PARVA: variants seen among roughly 807,000 people sequenced by gnomAD.
PARVA encodes parvin alpha.
In PARVA, 25 loss-of-function variants were observed where a neutral mutation model predicts 52.6. The ratio of observed to expected loss-of-function variants is 0.48; its 90% CI spans 0.35 to 0.66. The LOEUF is 0.66. Among genes scored for constraint, PARVA ranks in the 30% least tolerant of loss-of-function variants. The pLI is 0.01. For synonymous variants in PARVA, 185 were observed against 179.1 expected (o/e 1.03, Z -0.26); for missense variants, 373 against 450.9 (o/e 0.83, Z 1.56).
intron 1 of PARVA, among the ~76,000 whole-genome samples, chr11:12,413,839 A>T (rs928951156): frequency 3.5e-4 from 53 of 152,324 alleles, no homozygotes; most frequent in African/African-American, 1.2e-3. Context: ...GACATTAATC[A>T]CCCATGGACA....
chr11:12,458,257 C>T (rs1297885033), intron 1 of PARVA, among the ~76,000 whole-genome samples: 1 of 152,210 alleles, frequency 6.6e-6, no homozygotes, highest in African/African-American at 2.4e-5. Flanking sequence ...AATGAATGGA[C>T]AGTCCTCGGC....
intron 1 of PARVA, among the ~76,000 whole-genome samples, chr11:12,469,824 G>A (rs1166640579): frequency 6.6e-6 from 1 of 152,144 alleles, no homozygotes. Flanking sequence ...AGGGCAGAGG[G>A]GAATGTTTCT....
At chr11:12,409,012 G>C (rs1939954220) in intron 1 of PARVA, among the ~76,000 whole-genome samples, 1 of 152,334 alleles carries the variant, frequency 6.6e-6, no homozygotes. Flanking sequence ...CGGAGGACCT[G>C]GGAGAGGCCG....
At chr11:12,435,065 G>A (rs1193575546) in intron 1 of PARVA, among the ~76,000 whole-genome samples, 1 of 152,158 alleles carries the variant, frequency 6.6e-6, no homozygotes, top group Non-Finnish European at 1.5e-5. Flanking sequence ...ACACCAAACT[G>A]CCGTCTGACT....
chr11:12,437,115 T>A (rs1940397003), intron 1 of PARVA, among the ~76,000 whole-genome samples: 1 of 152,212 alleles, frequency 6.6e-6, no homozygotes. Flanking sequence ...TCCAATATTT[T>A]ATAGTAGTTT....
At position 12,477,880 on chromosome 11, in the gene PARVA, G is replaced by A; in HGVS notation, c.331G>A (p.Gly111Arg). The change falls in exon 4 of 13, where the codon GGA (glycine) becomes AGA (arginine). Residue 111 changes from glycine (G) to arginine (R), a missense_variant. Coordinates refer to ENST00000334956, the MANE Select transcript of PARVA (RefSeq NM_018222.5). Reference sequence around the variant, plus strand: ...TGACTGGATTAATGATGTGTTGGTTGGAGAAAGAATCATTGTGAAAGACCT... The same window carrying A: ...TGACTGGATTAATGATGTGTTGGTTAGAGAAAGAATCATTGTGAAAGACCT... ...LIDWINDVLV[G>R]ERIIVKDLAE... 6.2e-7 allele frequency: 1 copy of A among 1,607,056 alleles called. No individual in the cohort carries two copies. The highest frequency in any genetic ancestry group is 8.5e-7 in the Non-Finnish European group (1 of 1,173,632).
At chr11:12,438,128 C>T (rs889814906) in intron 1 of PARVA, among the ~76,000 whole-genome samples, 10 of 151,900 alleles carry the variant, frequency 6.6e-5, no homozygotes, top group African/African-American at 9.7e-5. Context: ...GGCATGGTGG[C>T]GGGCGCCTGT....
Position 12,508,600 on chromosome 11 carries a change from T to A in PARVA, c.674T>A (p.Leu225His). The A allele has an allele frequency of 6.2e-7, 1 of 1,608,428 alleles. No individual in the cohort carries two copies. The highest frequency in any genetic ancestry group is 8.5e-7 in the Non-Finnish European group (1 of 1,176,638). Residue 225 changes from leucine (L) to histidine (H), a missense_variant, in exon 7 of 13, where the codon CTC becomes CAC. Coordinates refer to ENST00000334956, the MANE Select transcript of PARVA (RefSeq NM_018222.5). ...CCATTTCAGAAACGAGAAGGAATCC[T>A]CCAGTCTCGGCAAATCCAAGAGGAA... ...VVVVQKREGI[L>H]QSRQIQEEIT... is the part of the protein sequence containing the mutation.
intron 9 of PARVA, 77 bp from the exon 10 acceptor site, chr11:12,513,920 C>A: frequency 3.0e-6 from 4 of 1,341,080 alleles, no homozygotes; most frequent in Admixed American, 1.7e-5. Context: ...CTTGCCCTCA[C>A]GGGAGTCACG....
intron 1 of PARVA, among the ~76,000 whole-genome samples, chr11:12,410,578 G>A (rs899292618): frequency 6.6e-5 from 10 of 152,180 alleles, no homozygotes; most frequent in African/African-American, 2.2e-4. Context: ...ATTCTCTCTC[G>A]TTGCTTCTCC....
chr11:12,494,079 A>G (rs1941265666), intron 4 of PARVA, among the ~76,000 whole-genome samples: 1 of 152,218 alleles, frequency 6.6e-6, no homozygotes, highest in South Asian at 2.1e-4. Context: ...TTACTAGTCT[A>G]TTATAAAGGA....
At chr11:12,433,321 T>C (rs1024645536) in intron 1 of PARVA, among the ~76,000 whole-genome samples, 2 of 152,228 alleles carry the variant, frequency 1.3e-5, no homozygotes, top group Non-Finnish European at 2.9e-5. Context: ...ACAAAATGTG[T>C]AAGCCCAAAT....
At chr11:12,450,774 A>AT (rs1940612325) in intron 1 of PARVA, among the ~76,000 whole-genome samples, 2 of 152,300 alleles carry the variant, frequency 1.3e-5, no homozygotes, top group South Asian at 4.1e-4. Flanking sequence ...GAAGAACTGG[A>AT]GTCTGATGTT....
At chr11:12,421,401 C>T (rs1162006908) in intron 1 of PARVA, among the ~76,000 whole-genome samples, 3 of 152,122 alleles carry the variant, frequency 2.0e-5, no homozygotes, top group Admixed American at 2.0e-4. Context: ...ACCTCAACAC[C>T]ATTTATCAGA....
At chr11:12,511,562 C>G (rs757296116) in intron 8 of PARVA, 29 bp downstream of exon 8, 20 of 1,611,428 alleles carry the variant, frequency 1.2e-5, no homozygotes, top group South Asian at 2.2e-5. Context: ...TCCTCTGGCA[C>G]TGGTGGCTGC....
At chr11:12,396,308 T>C (rs990570005) in intron 1 of PARVA, among the ~76,000 whole-genome samples, 19 of 152,256 alleles carry the variant, frequency 1.2e-4, no homozygotes, top group Non-Finnish European at 2.5e-4. Flanking sequence ...AAATCAACAG[T>C]GACAATAGAA....
intron 1 of PARVA, among the ~76,000 whole-genome samples, chr11:12,471,474 G>C (rs965581457): frequency 6.6e-6 from 1 of 152,164 alleles, no homozygotes; most frequent in Non-Finnish European, 1.5e-5. Flanking sequence ...ATCAACTATA[G>C]ACTGGATAAA....
chr11:12,513,451 C>T lies in PARVA; in HGVS notation c.798+91C>T, dbSNP rs774585556. ...TCCCTGCAGCTTGCGAGCTTCCTGC[C>T]AGAACTGGTGGCATCACCTAACCTC... On this transcript the variant is annotated intron_variant, in intron 9 of 12. Transcript: ENST00000334956. The T allele has an allele frequency of 3.6e-5, 41 of 1,154,032 alleles. No individual in the cohort carries two copies. In the African/African-American group the frequency reaches 4.7e-4, roughly 13 times the overall value. 71.5% of individuals were successfully genotyped at this position (1,154,032 alleles called of 1,614,324 possible). A position where few individuals can be genotyped will look rare whatever the true frequency, so the allele number is the denominator to read the frequency against.
At chr11:12,468,412 G>C (rs536182345) in intron 1 of PARVA, among the ~76,000 whole-genome samples, 2 of 152,268 alleles carry the variant, frequency 1.3e-5, no homozygotes, top group African/African-American at 4.8e-5. Context: ...GGTATTCTTT[G>C]AGTCCCTAGA....
Sources: allele counts gnomAD v4.1 joint callset (sites outside exome capture counted in the v4.1 genomes callset), GRCh38; gene constraint gnomAD v4.1.1; transcripts MANE v1.5; gene names NCBI Gene and HGNC (gene_info 2026-07-23, HGNC 2026-07-21).